KIF13A: variants seen among roughly 807,000 people sequenced by gnomAD.
The protein encoded by KIF13A is kinesin family member 13A, also known as kinesin-like protein KIF13A.
A neutral mutation model predicts 212.2 loss-of-function variants in KIF13A; 79 were observed. The observed-to-expected ratio is 0.37, with a 90% CI of 0.31 to 0.45. The LOEUF is 0.45. Ranked by LOEUF, KIF13A falls within the 20% of genes least tolerant of loss-of-function variation. The pLI is 1.00. For synonymous variants in KIF13A, 789 were observed against 808.6 expected, an observed-to-expected ratio of 0.98 and a Z score of 0.41; for missense variants, 1,901 against 2,209.0, an observed-to-expected ratio of 0.86 and a Z score of 2.79.
chr6:17,946,440 G>T (rs1012131821), intron 2 of KIF13A, among the ~76,000 whole-genome samples: 18 of 149,524 alleles, frequency 1.2e-4, no homozygotes, highest in African/African-American at 3.7e-4. Flanking sequence ...AATTTTAAAA[G>T]GCCAAAAAAA....
chr6:17,799,861 C>A lies in KIF13A; in HGVS notation c.2616+91G>T, dbSNP rs909225941. ...CTGTTACAAAATCCAACTTTTACTA[C>A]CCTGGATGAAAAACTCTCATAAGAT... On this transcript the variant is annotated intron_variant, in intron 21 of 38. Transcript: ENST00000259711. This position sits in a 1 kb window ranked among gnomAD's most constrained non-coding sequence, Gnocchi z 4.4. 6.2e-6 allele frequency: 9 copies of A among 1,448,052 alleles called. No individual in the cohort carries two copies. Among genetic ancestry groups the A allele is most frequent in the Admixed American group, 1.9e-5 (1 of 52,268 alleles). The allele number at this position is 1,448,052 out of a possible 1,614,324, so 89.7% of individuals were successfully genotyped here.
Position 17,850,463 on chromosome 6 carries a change from G to A in KIF13A, c.583-6C>T, listed in dbSNP as rs763085042. 1.9e-6 allele frequency: 3 copies of A among 1,609,854 alleles called. No individual in the cohort carries two copies. The highest frequency in any genetic ancestry group is 2.2e-5 in the East Asian group (1 of 44,796). ...GACATCAATGACTCAATATCCTAGG[G>A]GCAAAGCATAAGGAAAAGACCATAA... is the stretch of plus-strand genomic sequence containing the variant. On this transcript the variant is annotated splice_polypyrimidine_tract_variant and splice_region_variant and intron_variant, in intron 7 of 38. Coordinates refer to ENST00000259711, the MANE Select transcript of KIF13A (RefSeq NM_022113.6). The surrounding 1 kb of genome is among the most constrained non-coding windows in gnomAD (Gnocchi z 6.2).
At position 17,973,113 on chromosome 6, in the gene KIF13A, C is replaced by G. The variant is rs565656103; in HGVS notation, c.146+13941G>C. Among the ~76,000 whole-genome samples, 5 of 152,296 alleles carry G rather than the reference C, an allele frequency of 3.3e-5. No individual in the cohort carries two copies. The South Asian group carries it at 1.0e-3, about 32-fold the overall frequency. ...TTTGGTAGGGTTGCAGCAGAATCCTCAGAAACAAAACACGATGCCCAAGGA... is the reference window on the plus strand; with the variant it reads ...TTTGGTAGGGTTGCAGCAGAATCCTGAGAAACAAAACACGATGCCCAAGGA... On this transcript the variant is annotated intron_variant, in intron 2 of 38. Transcript: ENST00000259711.
At position 17,835,616 on chromosome 6, in the gene KIF13A, G is replaced by A. The variant is rs374650915; in HGVS notation, c.1155+1262C>T. On this transcript the variant is annotated intron_variant, in intron 11 of 38. Transcript: ENST00000259711. Reference sequence around the variant, plus strand: ...TATCAATGTTAGGCTAGGGGTTGGGGATAAAAAAATCAATAAAACACAGCA... The same window carrying A: ...TATCAATGTTAGGCTAGGGGTTGGGAATAAAAAAATCAATAAAACACAGCA... Among the ~76,000 whole-genome samples, 11 of 151,966 alleles carry A rather than the reference G, an allele frequency of 7.2e-5. No individual in the cohort carries two copies. In the East Asian group the frequency reaches 9.6e-4, roughly 13 times the overall value.
At chr6:17,942,308 C>A (rs1777021975) in intron 2 of KIF13A, among the ~76,000 whole-genome samples, 1 of 147,656 alleles carries the variant, frequency 6.8e-6, no homozygotes, top group Non-Finnish European at 1.5e-5. Flanking sequence ...CTTGAAGAAA[C>A]AAAACACAAC....
At chr6:17,854,357 C>T (rs1419705327) in intron 6 of KIF13A, among the ~76,000 whole-genome samples, 5 of 151,914 alleles carry the variant, frequency 3.3e-5, no homozygotes, top group Non-Finnish European at 4.4e-5. Context: ...AGGCTGGTCT[C>T]GAACTCCTGA....
At position 17,919,332 on chromosome 6, in the gene KIF13A, T is replaced by C. The variant is rs9297052; in HGVS notation, c.147-21152A>G. ...CCAGTCTTGCACAGGTAAAGTACTA[T>C]GTACTTAATGCTGCTAAAATAAGAC... On this transcript the variant is annotated intron_variant, in intron 2 of 38. Transcript: ENST00000259711. The surrounding 1 kb of genome is among the most constrained non-coding windows in gnomAD (Gnocchi z 4.1). 0.73 allele frequency among the ~76,000 whole-genome samples: 110,352 copies of C among 152,162 alleles called. 40,522 individuals are homozygous for C. Among genetic ancestry groups the C allele is most frequent in the South Asian group, 0.83 (4,027 of 4,824 alleles).
At chr6:17,852,628 A>G (rs570787047) in intron 6 of KIF13A, among the ~76,000 whole-genome samples, 1 of 152,140 alleles carries the variant, frequency 6.6e-6, no homozygotes, top group Non-Finnish European at 1.5e-5. Flanking sequence ...ATTCTGCCCA[A>G]GCTGGTCCTG....
intron 16 of KIF13A, among the ~76,000 whole-genome samples, chr6:17,823,657 A>C (rs1006278464): frequency 2.7e-5 from 4 of 150,216 alleles, no homozygotes; most frequent in Admixed American, 6.6e-5. Flanking sequence ...TAGTAGAGAC[A>C]GGGTTTCACC....
intron 16 of KIF13A, among the ~76,000 whole-genome samples, 183 bp from the exon 17 acceptor site, chr6:17,817,416 C>A (rs1468286740): frequency 6.6e-6 from 1 of 152,220 alleles, no homozygotes; most frequent in African/African-American, 2.4e-5. Flanking sequence ...ACAGACATTG[C>A]AGATAAATGC....
chr6:17,827,161 T>G (rs919990796), intron 14 of KIF13A, among the ~76,000 whole-genome samples: 9 of 152,152 alleles, frequency 5.9e-5, no homozygotes, highest in Non-Finnish European at 1.2e-4. Flanking sequence ...ATGGAGCAAC[T>G]ACGACTCACT....
intron 18 of KIF13A, among the ~76,000 whole-genome samples, chr6:17,806,124 G>C (rs938201662): frequency 6.6e-6 from 1 of 151,800 alleles, no homozygotes; most frequent in African/African-American, 2.4e-5. Context: ...GTATAGATGG[G>C]GTTTTGTTAT....
intron 2 of KIF13A, among the ~76,000 whole-genome samples, chr6:17,977,251 T>C (rs1003995552): frequency 2.6e-5 from 4 of 152,060 alleles, no homozygotes; most frequent in African/African-American, 9.7e-5. Flanking sequence ...ATCTTGTTAC[T>C]ACTGCCCATA....
At chr6:17,880,414 G>C (rs1463947060) in intron 3 of KIF13A, among the ~76,000 whole-genome samples, 8 of 152,006 alleles carry the variant, frequency 5.3e-5, no homozygotes, top group Admixed American at 3.9e-4. Flanking sequence ...ATCACCTGAG[G>C]TCAGGAGTTC....
At chr6:17,813,681 G>A (rs1051276148) in intron 17 of KIF13A, among the ~76,000 whole-genome samples, 2 of 152,076 alleles carry the variant, frequency 1.3e-5, no homozygotes, top group Non-Finnish European at 2.9e-5. Context: ...CACCTTCCCC[G>A]GGTGTGGCCT....
rs1305424321 is a variant in KIF13A, at chr6:17,780,710, C to T, written c.3846+20G>A. 1.9e-6 allele frequency: 3 copies of T among 1,608,510 alleles called. No homozygotes were observed. The highest frequency in any genetic ancestry group is 1.3e-5 in the African/African-American group (1 of 74,846). On this transcript the variant is annotated intron_variant, in intron 31 of 38. Transcript: ENST00000259711. ...TTTTGAGCTCAGAGCCAGAATGGCACAATCAGGCCCCGTTATTACCTGTTT... is the reference window on the plus strand; with the variant it reads ...TTTTGAGCTCAGAGCCAGAATGGCATAATCAGGCCCCGTTATTACCTGTTT...
chr6:17,775,389 T>C (rs1300947402), intron 34 of KIF13A, among the ~76,000 whole-genome samples: 3 of 152,340 alleles, frequency 2.0e-5, no homozygotes, highest in East Asian at 3.8e-4. Context: ...TTTAGTATCA[T>C]TTAATTCTAA....
chr6:17,837,715 G>A lies in KIF13A; in HGVS notation c.831-132C>T. Reference sequence around the variant, plus strand: ...GCCCGTAATCCCAGCACTTTGGGAGGCCAAGGTGGATGAATCACTTGAGGC... The same window carrying A: ...GCCCGTAATCCCAGCACTTTGGGAGACCAAGGTGGATGAATCACTTGAGGC... On this transcript the variant is annotated intron_variant, in intron 9 of 38. Coordinates refer to ENST00000259711, the MANE Select transcript of KIF13A (RefSeq NM_022113.6). This position sits in a 1 kb window ranked among gnomAD's most constrained non-coding sequence, Gnocchi z 5.4. The A allele has an allele frequency of 3.2e-6, 2 of 634,118 alleles. No individual in the cohort carries two copies. Among genetic ancestry groups the A allele is most frequent in the Non-Finnish European group, 5.5e-6 (2 of 366,326 alleles). The allele number at this position is 634,118 out of a possible 1,614,324, so 39.3% of individuals were successfully genotyped here. A position where few individuals can be genotyped will look rare whatever the true frequency, so the allele number is the denominator to read the frequency against.
At chr6:17,933,271 A>G (rs1221519034) in intron 2 of KIF13A, among the ~76,000 whole-genome samples, 1 of 152,170 alleles carries the variant, frequency 6.6e-6, no homozygotes, top group Non-Finnish European at 1.5e-5. Context: ...CTTAACCAAG[A>G]AAGAGTGCAT....
Sources: gnomAD v4.1 joint callset for allele counts (sites outside exome capture counted in the v4.1 genomes callset) on GRCh38, gnomAD v4.1.1 for gene constraint, Gnocchi (gnomAD v3.1) non-coding constraint, MANE v1.5 for transcripts, NCBI Gene and HGNC (gene_info 2026-07-23, HGNC 2026-07-21) for gene names.